Variants in KCNK2 observed in about 807,000 individuals in gnomAD.
KCNK2 encodes potassium channel subfamily K member 2.
In KCNK2, 21 loss-of-function variants were observed where a neutral mutation model predicts 40.5. The observed-to-expected ratio is 0.52, with a 90% CI of 0.37 to 0.75. The LOEUF (loss-of-function observed/expected upper bound fraction) is 0.75, where lower values mean the gene tolerates loss of function less well. KCNK2 is among the 30% of genes least tolerant of loss of function. The pLI is 0.00. For synonymous variants in KCNK2, 191 were observed against 202.2 expected, an observed-to-expected ratio of 0.94 and a Z score of 0.47; for missense variants, 399 against 531.6, an observed-to-expected ratio of 0.75 and a Z score of 2.45.
chr1:215,138,069 T>C (rs1171028950), intron 3 of KCNK2, among the ~76,000 whole-genome samples: 2 of 152,152 alleles, frequency 1.3e-5, no homozygotes, highest in Non-Finnish European at 2.9e-5. Flanking sequence ...ACTTCAAAAA[T>C]TGAGAGAAAA....
At chr1:215,043,205 CTG>C (rs1454777422) in intron 1 of KCNK2, among the ~76,000 whole-genome samples, 3 of 152,170 alleles carry the variant, frequency 2.0e-5, no homozygotes, top group African/African-American at 7.2e-5. Context: ...GCTGGTGAAA[CTG>C]TAAAATATAG....
At chr1:215,097,802 T>C (rs1660043815) in intron 2 of KCNK2, among the ~76,000 whole-genome samples, 1 of 151,940 alleles carries the variant, frequency 6.6e-6, no homozygotes, top group Admixed American at 6.6e-5. Flanking sequence ...TTTTAATAAG[T>C]AAAATAGAGA....
intron 3 of KCNK2, among the ~76,000 whole-genome samples, chr1:215,153,138 G>A (rs1040948633): frequency 7.9e-5 from 12 of 152,244 alleles, no homozygotes; most frequent in African/African-American, 2.9e-4. Context: ...CAAAAGTGTT[G>A]CTTACTACAA....
chr1:215,095,773 A>G (rs1382057957), intron 2 of KCNK2, among the ~76,000 whole-genome samples: 1 of 152,070 alleles, frequency 6.6e-6, no homozygotes, highest in Non-Finnish European at 1.5e-5. Context: ...CCCAGTAAAC[A>G]CTGCTTTAGT....
At chr1:215,112,507 A>G (rs992751306) in intron 2 of KCNK2, among the ~76,000 whole-genome samples, 1 of 152,160 alleles carries the variant, frequency 6.6e-6, no homozygotes, top group Non-Finnish European at 1.5e-5. Flanking sequence ...AGCTAAGGCT[A>G]ATTTGTTATT....
chr1:215,108,838 G>A (rs1157006787), intron 2 of KCNK2, among the ~76,000 whole-genome samples: 3 of 151,756 alleles, frequency 2.0e-5, no homozygotes, highest in Non-Finnish European at 2.9e-5. Flanking sequence ...GTGTGTGTGT[G>A]AGGGGTTGGG....
intron 1 of KCNK2, among the ~76,000 whole-genome samples, chr1:215,015,061 T>G (rs891320051): frequency 1.3e-5 from 2 of 152,170 alleles, no homozygotes; most frequent in African/African-American, 4.8e-5. Flanking sequence ...GTTATGAAAG[T>G]GAACTCTGCT....
At chr1:215,210,391 T>C (rs140530359) in intron 6 of KCNK2, among the ~76,000 whole-genome samples, 2 of 151,998 alleles carry the variant, frequency 1.3e-5, no homozygotes, top group Non-Finnish European at 2.9e-5. Context: ...TGCTTTCCTA[T>C]TTTGAAGCTT....
At chr1:215,215,702 T>C (rs905715581) in intron 6 of KCNK2, among the ~76,000 whole-genome samples, 2 of 152,204 alleles carry the variant, frequency 1.3e-5, no homozygotes, top group African/African-American at 4.8e-5. Context: ...TTTGATTTCC[T>C]TTCACAATGG....
chr1:215,019,235 T>C (rs1411581513), intron 1 of KCNK2, among the ~76,000 whole-genome samples: 1 of 152,250 alleles, frequency 6.6e-6, no homozygotes, highest in East Asian at 1.9e-4. Flanking sequence ...TTTAAAGTTT[T>C]CTGAGCAGAT....
intron 3 of KCNK2, among the ~76,000 whole-genome samples, chr1:215,134,534 A>G (rs1661815199): frequency 6.6e-6 from 1 of 152,198 alleles, no homozygotes; most frequent in South Asian, 2.1e-4. Flanking sequence ...TCCAAACCCC[A>G]TAGTTCAGAG....
At chr1:215,073,537 G>A (rs1658832661) in intron 1 of KCNK2, among the ~76,000 whole-genome samples, 1 of 152,086 alleles carries the variant, frequency 6.6e-6, no homozygotes, top group African/African-American at 2.4e-5. Context: ...AGGGAGACAG[G>A]TACAGTCTAG....
rs143545778 is a variant in KCNK2 at position 215,175,932 on chromosome 1, G to C, written c.823+3749G>C. ...ACACTTGGATTGATTCCATGCCTTGGCTATTGTGAATAGGGCTCTGATAAA... is the reference window on the plus strand; with the variant it reads ...ACACTTGGATTGATTCCATGCCTTGCCTATTGTGAATAGGGCTCTGATAAA... On this transcript the variant is annotated intron_variant, in intron 5 of 6. Coordinates refer to ENST00000444842, the MANE Select transcript of KCNK2 (RefSeq NM_001017425.3). 2.6e-5 allele frequency among the ~76,000 whole-genome samples: 4 copies of C among 152,090 alleles called. No homozygotes were observed. In the East Asian group the frequency reaches 7.7e-4, roughly 29 times the overall value.
chr1:215,136,551 C>T (rs930721392), intron 3 of KCNK2, among the ~76,000 whole-genome samples: 2 of 152,128 alleles, frequency 1.3e-5, no homozygotes, highest in Admixed American at 1.3e-4. Flanking sequence ...TGACAATTCC[C>T]ATATCATGAT....
At chr1:215,115,160 C>T (rs1410821027) in intron 2 of KCNK2, among the ~76,000 whole-genome samples, 1 of 152,008 alleles carries the variant, frequency 6.6e-6, no homozygotes, top group Admixed American at 6.6e-5. Flanking sequence ...AAAATATTGC[C>T]TTTCTGTGGA....
intron 6 of KCNK2, among the ~76,000 whole-genome samples, chr1:215,234,169 C>T (rs138386321): frequency 1.3e-5 from 2 of 152,284 alleles, no homozygotes; most frequent in African/African-American, 4.8e-5. Flanking sequence ...CCCAAGTGGG[C>T]TTCAAGGTGG....
intron 6 of KCNK2, among the ~76,000 whole-genome samples, chr1:215,208,787 G>C (rs1665426767): frequency 6.6e-6 from 1 of 151,974 alleles, no homozygotes; most frequent in Admixed American, 6.6e-5. Context: ...GAATGTCAAA[G>C]TTTGTAATAT....
chr1:215,137,178 G>A lies in KCNK2; in HGVS notation c.475+12428G>A, dbSNP rs77285076. 6.0e-3 allele frequency among the ~76,000 whole-genome samples: 919 copies of A among 152,164 alleles called. 12 individuals are homozygous for A. Among genetic ancestry groups the A allele is most frequent in the African/African-American group, 0.021 (872 of 41,516 alleles). On this transcript the variant is annotated intron_variant, in intron 3 of 6. Coordinates refer to ENST00000444842, the MANE Select transcript of KCNK2 (RefSeq NM_001017425.3). The stretch of plus-strand genomic sequence containing the variant: ...TGTTATTGGTGATGATATTACTTAG[G>A]GTTTCCATTAGCATTTAGAGTATTG...
At chr1:215,217,587 C>A (rs986369132) in intron 6 of KCNK2, among the ~76,000 whole-genome samples, 1 of 152,158 alleles carries the variant, frequency 6.6e-6, no homozygotes. Context: ...TCTGGTAACT[C>A]ACTAGATCAG....
Sources: allele counts gnomAD v4.1 joint callset (sites outside exome capture counted in the v4.1 genomes callset), GRCh38; gene constraint gnomAD v4.1.1; transcripts MANE v1.5; gene names NCBI Gene and HGNC (gene_info 2026-07-23, HGNC 2026-07-21).